Variants in KIAA1328 observed in about 807,000 individuals in gnomAD.
KIAA1328 encodes KIAA1328, also known as protein hinderin.
In KIAA1328, 52 loss-of-function variants were observed where a neutral mutation model predicts 68.1. The ratio of observed to expected loss-of-function variants is 0.76; its 90% confidence interval spans 0.61 to 0.96. The LOEUF is 0.96. Among genes scored for constraint, KIAA1328 ranks in the 40% least tolerant of loss-of-function variants. KIAA1328 has a pLI of 0.00. For synonymous variants in KIAA1328, 232 were observed against 239.4 expected, an observed-to-expected ratio of 0.97 and a Z score of 0.28; for missense variants, 641 against 677.6, an observed-to-expected ratio of 0.95 and a Z score of 0.60.
chr18:36,883,043 C>T (rs73417103), intron 4 of KIAA1328, among the ~76,000 whole-genome samples: 54 of 152,258 alleles, frequency 3.5e-4, no homozygotes, highest in African/African-American at 1.2e-3. Context: ...TAGGTATTCA[C>T]TAAATACCTT....
intron 7 of KIAA1328, among the ~76,000 whole-genome samples, chr18:37,123,628 C>A (rs1441272359): frequency 2.6e-5 from 4 of 151,936 alleles, no homozygotes; most frequent in African/African-American, 7.3e-5. Flanking sequence ...TTAAAATATG[C>A]CATGGGTGGC....
chr18:37,162,544 T>A (rs747944492), intron 8 of KIAA1328, among the ~76,000 whole-genome samples: 6 of 152,216 alleles, frequency 3.9e-5, no homozygotes, highest in South Asian at 2.1e-4. Context: ...TGGCATTTGC[T>A]GTGGCACCCA....
At chr18:37,105,061 G>A (rs1034809563) in intron 7 of KIAA1328, among the ~76,000 whole-genome samples, 6 of 151,982 alleles carry the variant, frequency 3.9e-5, no homozygotes, top group East Asian at 1.9e-4. Flanking sequence ...AGAATTGCTC[G>A]GGCAAAAAGA....
chr18:37,062,883 G>C lies in KIAA1328; in HGVS notation c.577-4007G>C, dbSNP rs1475634983. 2.0e-5 allele frequency among the ~76,000 whole-genome samples: 3 copies of C among 152,160 alleles called. No individual in the cohort carries two copies. The East Asian group carries it at 5.8e-4, about 29-fold the overall frequency. On this transcript the variant is annotated intron_variant, in intron 6 of 9. Coordinates refer to ENST00000280020, the MANE Select transcript of KIAA1328 (RefSeq NM_020776.3). ...TGCTGTATTAGTTTTATAGTGCCGT[G>C]TAACAGATTACCACTAACCTGGTAA...
At chr18:36,829,559 C>A in intron 1 of KIAA1328, 1 of 645,132 alleles carries the variant, frequency 1.6e-6, no homozygotes, top group Non-Finnish European at 2.0e-6. Flanking sequence ...GCGGAGCTAG[C>A]TCGAAGTTGA....
intron 7 of KIAA1328, among the ~76,000 whole-genome samples, chr18:37,069,533 T>C (rs1279182582): frequency 2.6e-5 from 4 of 152,184 alleles, no homozygotes; most frequent in African/African-American, 9.6e-5. Context: ...CCTCATAAAA[T>C]GAGTTGGGAG....
chr18:36,948,263 T>G (rs1245242378), intron 5 of KIAA1328, among the ~76,000 whole-genome samples: 6 of 82,910 alleles, frequency 7.2e-5, no homozygotes, highest in African/African-American at 1.9e-4. Context: ...TGTCTTTTGT[T>G]TTTTTTTTTT....
chr18:36,867,619 T>A (rs1319492646), intron 4 of KIAA1328, among the ~76,000 whole-genome samples: 2 of 152,220 alleles, frequency 1.3e-5, no homozygotes, highest in African/African-American at 4.8e-5. Context: ...AAGAGTGGCT[T>A]TCATGTATCT....
At chr18:36,931,010 A>T (rs1051833028) in intron 5 of KIAA1328, among the ~76,000 whole-genome samples, 1 of 151,920 alleles carries the variant, frequency 6.6e-6, no homozygotes, top group African/African-American at 2.4e-5. Context: ...AGTTTTTCTT[A>T]CCTACTGTCT....
rs146082031 is a variant in KIAA1328 at position 36,889,996 on chromosome 18, C to T, written c.448+4324C>T. 8.2e-3 allele frequency among the ~76,000 whole-genome samples: 1,241 copies of T among 152,204 alleles called. 12 individuals carry two copies. Among genetic ancestry groups the T allele is most frequent in the Non-Finnish European group, 0.012 (812 of 68,018 alleles). On this transcript the variant is annotated intron_variant, in intron 5 of 9. Coordinates refer to ENST00000280020, the MANE Select transcript of KIAA1328 (RefSeq NM_020776.3). ...TTGGGAGGAAACCAAGTTTTAGTTTCCTCTCCCAGAAATCAAACTGACAGA... is the reference window on the plus strand; with the variant it reads ...TTGGGAGGAAACCAAGTTTTAGTTTTCTCTCCCAGAAATCAAACTGACAGA...
chr18:36,885,641 A>G lies in KIAA1328; in HGVS notation c.417A>G (p.Glu139=). ...AGAAGAAGATCAGGCAGTTGGAAGAACAGAATGAACTGATCATCAAAGAAA... is the reference window on the plus strand; with the variant it reads ...AGAAGAAGATCAGGCAGTTGGAAGAGCAGAATGAACTGATCATCAAAGAAA... ...SFEKKIRQLE[E]QNELIIKERE... is the part of the protein sequence containing the mutation. The change falls in exon 5 of 10, where the codon GAA becomes GAG. Residue 139 remains glutamate, a synonymous_variant. Transcript: ENST00000280020. 6.3e-7 allele frequency: 1 copy of G among 1,596,400 alleles called. No individual in the cohort carries two copies. Among genetic ancestry groups the G allele is most frequent in the South Asian group, 1.1e-5 (1 of 87,514 alleles).
intron 5 of KIAA1328, among the ~76,000 whole-genome samples, chr18:36,910,428 T>C (rs146718953): frequency 0.14 from 20,688 of 152,090 alleles, 1,752 homozygotes; most frequent in Admixed American, 0.18. Flanking sequence ...GATCAGATAG[T>C]TGTAGATGTG....
chr18:37,120,232 T>C (rs954115513), intron 7 of KIAA1328, among the ~76,000 whole-genome samples: 2 of 120,288 alleles, frequency 1.7e-5, no homozygotes, highest in South Asian at 4.5e-4. Flanking sequence ...TGTGATCTAA[T>C]GGTAGCTACA....
chr18:37,144,653 T>C (rs923037767), intron 7 of KIAA1328, among the ~76,000 whole-genome samples: 2 of 152,002 alleles, frequency 1.3e-5, no homozygotes, highest in Non-Finnish European at 2.9e-5. Flanking sequence ...CTCAGCCTCC[T>C]GAGTAGCTGG....
chr18:36,953,170 T>A (rs958762316), intron 5 of KIAA1328, among the ~76,000 whole-genome samples: 16 of 149,256 alleles, frequency 1.1e-4, no homozygotes, highest in Non-Finnish European at 3.0e-5. Flanking sequence ...TTAATACATA[T>A]ATCATAAATA....
intron 9 of KIAA1328, among the ~76,000 whole-genome samples, chr18:37,216,845 A>C (rs972663092): frequency 2.7e-5 from 4 of 145,932 alleles, no homozygotes; most frequent in African/African-American, 1.0e-4. Flanking sequence ...TAGGATAGTT[A>C]GCTCTTCCTG....
At chr18:36,947,698 A>T (rs1399827878) in intron 5 of KIAA1328, among the ~76,000 whole-genome samples, 4 of 152,204 alleles carry the variant, frequency 2.6e-5, no homozygotes, top group Non-Finnish European at 4.4e-5. Context: ...CTGGCAGCTA[A>T]TCTCTTCAGG....
chr18:37,214,057 T>A (rs1235237862), intron 9 of KIAA1328, among the ~76,000 whole-genome samples: 1 of 152,198 alleles, frequency 6.6e-6, no homozygotes, highest in Non-Finnish European at 1.5e-5. Flanking sequence ...TAGCCCTTTG[T>A]CAGATGGGTA....
intron 4 of KIAA1328, among the ~76,000 whole-genome samples, chr18:36,855,709 A>G (rs1008403461): frequency 2.0e-5 from 3 of 151,918 alleles, no homozygotes; most frequent in African/African-American, 7.2e-5. Context: ...AGTGTCAGAT[A>G]TAAGAATCTG....
Sources: allele counts gnomAD v4.1 joint callset (sites outside exome capture counted in the v4.1 genomes callset), GRCh38; gene constraint gnomAD v4.1.1; transcripts MANE v1.5; gene names NCBI Gene and HGNC (gene_info 2026-07-23, HGNC 2026-07-21).